Variants in CCDC178 observed in about 807,000 individuals in gnomAD.
CCDC178 encodes the protein coiled-coil domain-containing protein 178.
A neutral mutation model predicts 117.4 loss-of-function variants in CCDC178; 126 were observed. That is an observed-to-expected ratio of 1.07 (90% CI 0.93 to 1.24). The LOEUF (loss-of-function observed/expected upper bound fraction) is 1.24, where lower values mean the gene tolerates loss of function less well. CCDC178 is among the 50% of genes most tolerant of loss of function. CCDC178 has a pLI of 0.00. For missense variants in CCDC178, 1,030 were observed against 986.9 expected (o/e 1.04, Z -0.59); for synonymous variants, 283 against 313.4 (o/e 0.90, Z 1.02).
At chr18:33,343,128 A>G (rs1051690100) in intron 9 of CCDC178, among the ~76,000 whole-genome samples, 1 of 151,706 alleles carries the variant, frequency 6.6e-6, no homozygotes, top group African/African-American at 2.4e-5. Flanking sequence ...TTCCTCTTTC[A>G]TCAGATCATT....
At chr18:33,153,029 A>C (rs1010216934) in intron 20 of CCDC178, among the ~76,000 whole-genome samples, 13 of 150,322 alleles carry the variant, frequency 8.6e-5, no homozygotes, top group African/African-American at 2.7e-4. Context: ...GAAAAAAAAA[A>C]CAGGCAAAGA....
chr18:33,097,653 G>C (rs2057562800), intron 20 of CCDC178, among the ~76,000 whole-genome samples: 1 of 152,062 alleles, frequency 6.6e-6, no homozygotes, highest in Non-Finnish European at 1.5e-5. Context: ...ACATGAGCCA[G>C]CACTTTTAAA....
At position 33,423,629 on chromosome 18, in the gene CCDC178, G is replaced by GGT. The variant is rs1050699397; in HGVS notation, c.-22-11521_-22-11520dup. 5.1e-4 allele frequency among the ~76,000 whole-genome samples: 78 copies of GGT among 151,848 alleles called. No homozygotes were observed. In the East Asian group the frequency reaches 7.3e-3, roughly 14 times the overall value. On this transcript the variant is annotated intron_variant, in intron 2 of 22. Coordinates refer to ENST00000383096, the MANE Select transcript of CCDC178 (RefSeq NM_001105528.4). The stretch of plus-strand genomic sequence containing the variant: ...GCAGGCATGTGGGGAAACACATGTT[G>GGT]GTGTGTGTGTGTGTTTTACCTTCAA...
intron 6 of CCDC178, among the ~76,000 whole-genome samples, chr18:33,357,628 G>T (rs978062145): frequency 7.9e-5 from 12 of 151,886 alleles, no homozygotes; most frequent in African/African-American, 2.9e-4. Flanking sequence ...TCATTGGCAG[G>T]GTTATTTTCT....
chr18:33,129,860 T>C (rs172031), intron 20 of CCDC178, among the ~76,000 whole-genome samples: 1 of 152,032 alleles, frequency 6.6e-6, no homozygotes, highest in Admixed American at 6.6e-5. Flanking sequence ...TTTTTGTCCA[T>C]TGTTTTATTC....
chr18:33,066,328 T>G (rs1478436856), intron 21 of CCDC178, among the ~76,000 whole-genome samples: 1 of 151,878 alleles, frequency 6.6e-6, no homozygotes, highest in Non-Finnish European at 1.5e-5. Flanking sequence ...TAAAACTCAC[T>G]ACCACAGTAG....
At chr18:33,053,782 G>T (rs1461392098) in intron 21 of CCDC178, among the ~76,000 whole-genome samples, 1 of 152,066 alleles carries the variant, frequency 6.6e-6, no homozygotes, top group Non-Finnish European at 1.5e-5. Context: ...TGTATCTCAA[G>T]TTATGTAAAT....
chr18:33,308,381 A>G (rs2062287447), intron 11 of CCDC178, among the ~76,000 whole-genome samples: 1 of 152,164 alleles, frequency 6.6e-6, no homozygotes, highest in Non-Finnish European at 1.5e-5. Context: ...CCCATTTGGA[A>G]TGAGTTTATT....
chr18:33,337,458 T>C (rs1249351491), intron 9 of CCDC178, among the ~76,000 whole-genome samples: 1 of 152,080 alleles, frequency 6.6e-6, no homozygotes, highest in African/African-American at 2.4e-5. Context: ...ATAAAAGTGG[T>C]GAAAGTGGGC....
At chr18:33,341,415 T>C (rs2062815531) in intron 9 of CCDC178, among the ~76,000 whole-genome samples, 1 of 152,080 alleles carries the variant, frequency 6.6e-6, no homozygotes, top group Non-Finnish European at 1.5e-5. Flanking sequence ...GAGTTAAGAC[T>C]TGGGGGACAG....
intron 20 of CCDC178, among the ~76,000 whole-genome samples, chr18:33,116,775 C>G (rs1210088869): frequency 3.6e-5 from 4 of 111,386 alleles, no homozygotes; most frequent in African/African-American, 1.9e-4. Flanking sequence ...ATCTCTTTTA[C>G]CAGGAAAAGC....
At chr18:33,126,720 G>A (rs186068297) in intron 20 of CCDC178, among the ~76,000 whole-genome samples, 15 of 151,790 alleles carry the variant, frequency 9.9e-5, no homozygotes, top group Admixed American at 2.6e-4. Flanking sequence ...GTGCAGTGGC[G>A]CCATCTCAGC....
intron 11 of CCDC178, among the ~76,000 whole-genome samples, chr18:33,314,357 T>C (rs1385765431): frequency 6.6e-6 from 1 of 152,110 alleles, no homozygotes; most frequent in East Asian, 1.9e-4. Context: ...ACATACCGCC[T>C]GGAGCCCACA....
At chr18:33,180,226 C>A (rs1439395109) in intron 20 of CCDC178, among the ~76,000 whole-genome samples, 1 of 149,560 alleles carries the variant, frequency 6.7e-6, no homozygotes. Context: ...AAACTTGATT[C>A]CATACTGTAC....
chr18:33,084,477 T>G (rs2057345811), intron 21 of CCDC178, among the ~76,000 whole-genome samples: 1 of 152,168 alleles, frequency 6.6e-6, no homozygotes, highest in Non-Finnish European at 1.5e-5. Context: ...ATGAGATCTT[T>G]TCATTTATAT....
chr18:33,399,908 T>A (rs1191983613), intron 3 of CCDC178, among the ~76,000 whole-genome samples: 1 of 152,168 alleles, frequency 6.6e-6, no homozygotes, highest in Non-Finnish European at 1.5e-5. Context: ...GGAGTCACTA[T>A]CTATGGTAGC....
intron 9 of CCDC178, among the ~76,000 whole-genome samples, chr18:33,345,951 C>A (rs2062886364): frequency 6.6e-6 from 1 of 152,090 alleles, no homozygotes; most frequent in Admixed American, 6.5e-5. Flanking sequence ...CCTCAGCCTC[C>A]CAAGTAGTTG....
At chr18:32,961,066 T>C (rs532522816) in intron 22 of CCDC178, among the ~76,000 whole-genome samples, 1 of 152,132 alleles carries the variant, frequency 6.6e-6, no homozygotes, top group Non-Finnish European at 1.5e-5. Flanking sequence ...CAATCATATG[T>C]AGCTATTTGG....
At chr18:33,174,533 C>A (rs1420712431) in intron 20 of CCDC178, among the ~76,000 whole-genome samples, 1 of 152,062 alleles carries the variant, frequency 6.6e-6, no homozygotes, top group Non-Finnish European at 1.5e-5. Context: ...GAATAGTGAA[C>A]AGAGAGAACT....
Sources: allele counts gnomAD v4.1 joint callset (sites outside exome capture counted in the v4.1 genomes callset), GRCh38; gene constraint gnomAD v4.1.1; transcripts MANE v1.5; gene names NCBI Gene and HGNC (gene_info 2026-07-23, HGNC 2026-07-21).